Variants in MIAT observed in about 807,000 individuals in gnomAD.
The protein encoded by MIAT is MI related novel mRNA.
exon 4 of MIAT, chr22:26,666,521 G>C (rs956546430): frequency 7.5e-5 from 30 of 398,596 alleles, no homozygotes; most frequent in African/African-American, 5.6e-4. Flanking sequence ...TGTGGCAGGA[G>C]CAGAGCTGGG....
exon 4 of MIAT, chr22:26,665,844 A>C (rs1930825761): frequency 2.5e-6 from 1 of 398,512 alleles, no homozygotes; most frequent in Non-Finnish European, 4.4e-6. Flanking sequence ...CTAGTATTTC[A>C]CAAACATTAC....
intron 2 of MIAT, among the ~76,000 whole-genome samples, chr22:26,649,284 T>C (rs1478347080): frequency 6.6e-6 from 1 of 152,168 alleles, no homozygotes; most frequent in Non-Finnish European, 1.5e-5. Context: ...TCAAATTTAG[T>C]TCTGTCTGAC....
chr22:26,673,575 C>T (rs948218414), downstream of MIAT: 3 of 398,612 alleles, frequency 7.5e-6, no homozygotes, highest in Non-Finnish European at 1.3e-5. Flanking sequence ...TTCTGACTAA[C>T]AACAGGTCTA....
chr22:26,670,978 T>C (rs1478711173), downstream of MIAT: 1 of 396,752 alleles, frequency 2.5e-6, no homozygotes, highest in East Asian at 3.6e-5. Flanking sequence ...TTTTTTCTAA[T>C]GGTGGGAGGG....
At chr22:26,646,621 C>T (rs1930240001) in exon 1 of MIAT, 3 of 398,358 alleles carry the variant, frequency 7.5e-6, no homozygotes, top group Non-Finnish European at 1.3e-5. Context: ...GTCTGTTTAT[C>T]TTCAGTTTCC....
chr22:26,670,304 G>A (rs1468212659), downstream of MIAT: 1 of 398,418 alleles, frequency 2.5e-6, no homozygotes, highest in African/African-American at 2.1e-5. Context: ...GGAAATATAG[G>A]TGAAGAGTGG....
At chr22:26,671,942 G>T (rs1931061386), downstream of MIAT, 2 of 398,340 alleles carry the variant, frequency 5.0e-6, no homozygotes, top group Non-Finnish European at 8.8e-6. Flanking sequence ...CTTCTGCCTG[G>T]GGCAAGACAC....
At chr22:26,675,306 A>G (rs932906955) in exon 5 of MIAT, 4 of 398,604 alleles carry the variant, frequency 1.0e-5, no homozygotes, top group African/African-American at 6.2e-5. Flanking sequence ...TTCATGTGGA[A>G]TGTAGCAAGA....
chr22:26,672,102 G>A (rs965760644), downstream of MIAT: 24 of 399,570 alleles, frequency 6.0e-5, no homozygotes, highest in Non-Finnish European at 1.0e-4. Flanking sequence ...TAACGGACCT[G>A]CGTGCGTTCT....
intron 2 of MIAT, among the ~76,000 whole-genome samples, chr22:26,654,458 G>A (rs1426198542): frequency 6.6e-6 from 1 of 152,200 alleles, no homozygotes; most frequent in Non-Finnish European, 1.5e-5. Flanking sequence ...AAGAAAGGAA[G>A]TGGTGACCTC....
exon 5 of MIAT, chr22:26,675,633 GA>G: frequency 2.5e-6 from 1 of 398,662 alleles, no homozygotes; most frequent in Non-Finnish European, 4.4e-6. Context: ...GGACCAAGGT[GA>G]AAATAAAGGC....
At chr22:26,675,355 A>G (rs887808134) in exon 5 of MIAT, 46 of 398,590 alleles carry the variant, frequency 1.2e-4, no homozygotes, top group Non-Finnish European at 4.0e-5. Flanking sequence ...CTGGTTGCCA[A>G]GAAGTTTAGA....
intron 2 of MIAT, chr22:26,657,452 T>C: frequency 2.5e-6 from 1 of 398,666 alleles, no homozygotes; most frequent in Non-Finnish European, 4.4e-6. Flanking sequence ...CGCCAGCCGC[T>C]CCCGCATTAA....
chr22:26,669,857 G>T, downstream of MIAT: 2 of 398,816 alleles, frequency 5.0e-6, no homozygotes, highest in South Asian at 2.5e-4. Flanking sequence ...GCCGTGTCCT[G>T]AGAAGGGCCT....
At chr22:26,654,330 G>A (rs1930386929) in intron 2 of MIAT, among the ~76,000 whole-genome samples, 1 of 152,166 alleles carries the variant, frequency 6.6e-6, no homozygotes, top group African/African-American at 2.4e-5. Flanking sequence ...AGGATGAAGT[G>A]TGAAAGTTTG....
chr22:26,658,654 C>A (rs935216546), intron 2 of MIAT, among the ~76,000 whole-genome samples: 2 of 152,106 alleles, frequency 1.3e-5, no homozygotes, highest in African/African-American at 4.8e-5. Context: ...GCCTGGGGGG[C>A]GCGCCCTGGA....
At chr22:26,665,098 G>A (rs773561066) in intron 3 of MIAT, among the ~76,000 whole-genome samples, 2 of 151,954 alleles carry the variant, frequency 1.3e-5, no homozygotes, top group Admixed American at 6.6e-5. Context: ...TAAGTTAGCC[G>A]GGCGTGGTGG....
At chr22:26,675,920 T>C (rs1931244528) in exon 5 of MIAT, 2 of 398,518 alleles carry the variant, frequency 5.0e-6, no homozygotes, top group African/African-American at 4.1e-5. Flanking sequence ...AACATAGAGA[T>C]TGGCGATGGT....
chr22:26,671,530 C>G (rs575540458), downstream of MIAT: 5 of 398,582 alleles, frequency 1.3e-5, no homozygotes, highest in African/African-American at 6.2e-5. Flanking sequence ...ACCACCCCCC[C>G]GCAGCCAGAT....
Sources: gnomAD v4.1 joint callset for allele counts (sites outside exome capture counted in the v4.1 genomes callset) on GRCh38, gnomAD v4.1.1 for gene constraint, MANE v1.5 for transcripts, NCBI Gene and HGNC (gene_info 2026-07-23, HGNC 2026-07-21) for gene names.